The following RAB5A variants were observed in gnomAD, a reference collection of about 807,000 sequenced individuals.
RAB5A encodes RAB5A, member RAS oncogene family.
Under a neutral mutation model 25.7 loss-of-function variants are expected in RAB5A, and 8 were observed. The ratio of observed to expected loss-of-function variants is 0.31; its 90% CI spans 0.18 to 0.56. The LOEUF is 0.56. RAB5A is among the 20% of genes least tolerant of loss of function. The probability of loss-of-function intolerance (pLI) is 0.91; values close to 1 mark genes in which losing one functional copy is unlikely to be tolerated. For missense variants in RAB5A, 192 were observed against 259.7 expected (o/e 0.74, Z 1.79); for synonymous variants, 98 against 89.8 (o/e 1.09, Z -0.52).
At chr3:19,968,906 A>G (rs1008117126) in intron 2 of RAB5A, among the ~76,000 whole-genome samples, 3 of 152,120 alleles carry the variant, frequency 2.0e-5, no homozygotes, top group Non-Finnish European at 4.4e-5. Flanking sequence ...TAGTGAGATT[A>G]TTAGGTTAAA....
chr3:19,979,136 C>A (rs189728454), intron 5 of RAB5A, among the ~76,000 whole-genome samples: 7 of 152,120 alleles, frequency 4.6e-5, no homozygotes, highest in African/African-American at 1.7e-4. Flanking sequence ...ACCACCACGC[C>A]CAGCTAATTT....
At chr3:19,978,187 G>A in intron 4 of RAB5A, 123 bp from the exon 5 acceptor site, 1 of 719,598 alleles carries the variant, frequency 1.4e-6, no homozygotes. Flanking sequence ...GTTGATTATA[G>A]ATGATTATAG....
chr3:19,968,256 G>A (rs569511594), intron 2 of RAB5A, among the ~76,000 whole-genome samples: 7 of 151,016 alleles, frequency 4.6e-5, no homozygotes, highest in Non-Finnish European at 8.8e-5. Flanking sequence ...CTTACACATT[G>A]GGATTGTTTT....
Position 19,979,371 on chromosome 3 carries a change from C to T in RAB5A, c.532+968C>T, listed in dbSNP as rs371701663. Among the ~76,000 whole-genome samples, 45 of 151,512 alleles carry T rather than the reference C, an allele frequency of 3.0e-4. 1 individual carries two copies. In the East Asian group the frequency reaches 8.4e-3, roughly 28 times the overall value. The stretch of plus-strand genomic sequence containing the variant: ...CGATCTCGGCTCACTGCAAGCTCCG[C>T]CTCCTGGATTCACGCCATTCTCCTG... On this transcript the variant is annotated intron_variant, in intron 5 of 5. Transcript: ENST00000273047.
Position 19,947,213 on chromosome 3 carries a change from A to C in RAB5A, c.-402A>C, listed in dbSNP as rs1696315112. On this transcript the variant is annotated 5_prime_UTR_variant, in exon 1 of 6. Coordinates refer to ENST00000273047, the MANE Select transcript of RAB5A (RefSeq NM_004162.5). Reference sequence around the variant, plus strand: ...CGTGAAGGAGCCGGCGGCTGGCCTTAGGGGAGGAGGCAGAGGGAGGAGGAG... The same window carrying C: ...CGTGAAGGAGCCGGCGGCTGGCCTTCGGGGAGGAGGCAGAGGGAGGAGGAG... The C allele has an allele frequency of 6.0e-6, 1 of 166,560 alleles. No individual in the cohort carries two copies. Among genetic ancestry groups the C allele is most frequent in the South Asian group, 1.4e-4 (1 of 7,396 alleles). 10.3% of individuals were successfully genotyped at this position (166,560 alleles called of 1,614,324 possible).
intron 2 of RAB5A, among the ~76,000 whole-genome samples, chr3:19,969,023 TG>T (rs1312910467): frequency 7.9e-6 from 1 of 127,354 alleles, no homozygotes; most frequent in African/African-American, 3.4e-5. Flanking sequence ...TGGTGTTTTT[TG>T]GTTTTGGTTT....
At chr3:19,953,305 A>G (rs940471840) in intron 2 of RAB5A, among the ~76,000 whole-genome samples, 2 of 151,784 alleles carry the variant, frequency 1.3e-5, no homozygotes, top group Non-Finnish European at 1.5e-5. Context: ...CACCAGTTAG[A>G]TTGTCTAGAT....
chr3:19,965,483 T>C (rs1696647921), intron 2 of RAB5A, among the ~76,000 whole-genome samples: 1 of 151,944 alleles, frequency 6.6e-6, no homozygotes, highest in African/African-American at 2.4e-5. Flanking sequence ...GACTGTCTTA[T>C]GTACTGGTTA....
intron 2 of RAB5A, among the ~76,000 whole-genome samples, chr3:19,967,437 G>A (rs1046321239): frequency 9.2e-5 from 14 of 152,148 alleles, no homozygotes; most frequent in African/African-American, 3.1e-4. Flanking sequence ...GAGCCATTGC[G>A]CTCGGCCCTT....
At chr3:19,960,303 C>T (rs1231801549) in intron 2 of RAB5A, among the ~76,000 whole-genome samples, 1 of 152,024 alleles carries the variant, frequency 6.6e-6, no homozygotes, top group Non-Finnish European at 1.5e-5. Context: ...AAGAGTACTT[C>T]TAAAGGTTTT....
At chr3:19,977,988 AAG>A (rs1367324650) in intron 4 of RAB5A, among the ~76,000 whole-genome samples, 3 of 152,230 alleles carry the variant, frequency 2.0e-5, no homozygotes, top group African/African-American at 7.2e-5. Context: ...GTTGAGATCA[AAG>A]AGAGTTTTAT....
intron 2 of RAB5A, among the ~76,000 whole-genome samples, chr3:19,955,676 G>A (rs897710783): frequency 2.6e-5 from 4 of 151,962 alleles, no homozygotes; most frequent in African/African-American, 4.8e-5. Context: ...GGCGGATCAC[G>A]AGGTCAGGAG....
intron 2 of RAB5A, among the ~76,000 whole-genome samples, chr3:19,956,305 T>C (rs916062453): frequency 2.6e-5 from 4 of 152,214 alleles, no homozygotes; most frequent in Admixed American, 2.0e-4. Context: ...AATACCAGAA[T>C]TAGCTAGGCG....
chr3:19,973,105 G>T (rs1417197043), intron 2 of RAB5A, among the ~76,000 whole-genome samples: 1 of 152,296 alleles, frequency 6.6e-6, no homozygotes, highest in African/African-American at 2.4e-5. Flanking sequence ...GTATACAGGA[G>T]GATGTGCTTA....
intron 2 of RAB5A, among the ~76,000 whole-genome samples, chr3:19,953,616 C>T (rs1009543604): frequency 1.3e-5 from 2 of 152,102 alleles, no homozygotes; most frequent in African/African-American, 2.4e-5. Flanking sequence ...CCATGTCGGT[C>T]GGGTTGGTCT....
In RAB5A at chr3:19,978,299, T is replaced by C. The variant is rs368372901; in HGVS notation, c.439-11T>C. 1 of 1,577,630 alleles carries C rather than the reference T, an allele frequency of 6.3e-7. No individual in the cohort carries two copies. The highest frequency in any genetic ancestry group is 8.7e-7 in the Non-Finnish European group (1 of 1,147,996). On this transcript the variant is annotated splice_polypyrimidine_tract_variant and intron_variant, in intron 4 of 5. Transcript: ENST00000273047. ...ATATCTCATATATCTCATTTTTTGT[T>C]CTGTAAACAGGAAGCACAGTCCTAT... is the stretch of plus-strand genomic sequence containing the variant.
intron 4 of RAB5A, among the ~76,000 whole-genome samples, 189 bp from the exon 5 acceptor site, chr3:19,978,121 A>G (rs141867172): frequency 6.6e-6 from 1 of 152,366 alleles, no homozygotes; most frequent in East Asian, 1.9e-4. Flanking sequence ...GAAATAGTCC[A>G]TTATAAAATT....
At chr3:19,957,956 C>G (rs1375175828) in intron 2 of RAB5A, among the ~76,000 whole-genome samples, 1 of 152,140 alleles carries the variant, frequency 6.6e-6, no homozygotes, top group Non-Finnish European at 1.5e-5. Flanking sequence ...CCAAATAACT[C>G]ATGTTTTTCC....
intron 2 of RAB5A, among the ~76,000 whole-genome samples, chr3:19,969,984 TA>T (rs1696721469): frequency 6.7e-6 from 1 of 148,908 alleles, no homozygotes; most frequent in Non-Finnish European, 1.5e-5. Context: ...GTATTTTTAG[TA>T]GAGACGGGTT....
Sources: gnomAD v4.1 joint callset for allele counts (sites outside exome capture counted in the v4.1 genomes callset) on GRCh38, gnomAD v4.1.1 for gene constraint, MANE v1.5 for transcripts, NCBI Gene and HGNC (gene_info 2026-07-23, HGNC 2026-07-21) for gene names.